The following OR3A2 variants were observed in gnomAD, a reference collection of about 807,000 sequenced individuals.
The protein encoded by OR3A2 is olfactory receptor 3A2.
For missense variants in OR3A2, 318 were observed against 392.8 expected, an observed-to-expected ratio of 0.81 and a Z score of 1.61; for synonymous variants, 126 against 159.3, an observed-to-expected ratio of 0.79 and a Z score of 1.57.
chr17:3,372,340 C>T (rs958040854), intron 2 of OR3A2, among the ~76,000 whole-genome samples: 1 of 148,118 alleles, frequency 6.8e-6, no homozygotes, highest in African/African-American at 2.5e-5. Context: ...ACTTTCCAGA[C>T]TGGGCAGCCA....
chr17:3,330,254 T>C (rs2049218402), intron 3 of OR3A2, among the ~76,000 whole-genome samples: 1 of 151,560 alleles, frequency 6.6e-6, no homozygotes, highest in South Asian at 2.1e-4. Flanking sequence ...TGAGTTCAAT[T>C]CCTGGGTATC....
chr17:3,347,490 C>T (rs201124222), intron 2 of OR3A2, among the ~76,000 whole-genome samples: 102 of 152,136 alleles, frequency 6.7e-4, no homozygotes, highest in Admixed American at 1.2e-3. Flanking sequence ...TGAGAACATG[C>T]GGTGTTTGGT....
At chr17:3,290,706 T>A (rs1283997648) in intron 3 of OR3A2, among the ~76,000 whole-genome samples, 2 of 152,162 alleles carry the variant, frequency 1.3e-5, no homozygotes, top group African/African-American at 4.8e-5. Flanking sequence ...GAGCTAATGC[T>A]CTGGGTCAGA....
intron 2 of OR3A2, among the ~76,000 whole-genome samples, chr17:3,345,452 G>C (rs1356927923): frequency 2.0e-5 from 3 of 149,478 alleles, no homozygotes; most frequent in Non-Finnish European, 3.0e-5. Flanking sequence ...GAGACAGAGA[G>C]AGAGACCAAA....
chr17:3,360,226 G>A (rs1006625485), intron 2 of OR3A2, among the ~76,000 whole-genome samples: 15 of 150,954 alleles, frequency 9.9e-5, no homozygotes, highest in East Asian at 7.8e-4. Context: ...CTTCTTTTGC[G>A]AAGTGTCTGT....
intron 3 of OR3A2, among the ~76,000 whole-genome samples, chr17:3,324,117 A>T (rs989192818): frequency 9.2e-5 from 14 of 151,790 alleles, no homozygotes; most frequent in African/African-American, 3.2e-4. Context: ...TTCATCTTCC[A>T]TCACTGATAC....
chr17:3,362,326 G>T (rs1218622491), intron 2 of OR3A2, among the ~76,000 whole-genome samples: 1 of 151,240 alleles, frequency 6.6e-6, no homozygotes, highest in African/African-American at 2.5e-5. Context: ...TATTAGTCTT[G>T]CTAGCAGTCT....
At chr17:3,357,763 G>C (rs975120623) in intron 2 of OR3A2, among the ~76,000 whole-genome samples, 5 of 151,562 alleles carry the variant, frequency 3.3e-5, no homozygotes, top group African/African-American at 9.8e-5. Flanking sequence ...ATGATGCCCA[G>C]GTTGGTCTCA....
intron 2 of OR3A2, among the ~76,000 whole-genome samples, chr17:3,367,345 T>G (rs1271405117): frequency 1.3e-5 from 2 of 152,054 alleles, no homozygotes; most frequent in Non-Finnish European, 2.9e-5. Context: ...ATGTGTAATC[T>G]TTTATCCCTC....
intron 3 of OR3A2, among the ~76,000 whole-genome samples, chr17:3,290,559 A>T (rs763884110): frequency 3.3e-5 from 5 of 152,336 alleles, no homozygotes; most frequent in Middle Eastern, 6.8e-3. Flanking sequence ...CACAGGTGCC[A>T]GTCAAAGGAA....
upstream of OR3A2, chr17:3,284,563 A>T (rs2048795941): frequency 6.7e-6 from 1 of 149,316 alleles, no homozygotes; most frequent in African/African-American, 2.5e-5. Context: ...TAGGAGAGAG[A>T]AGGATGGGGG....
At chr17:3,369,368 G>A (rs1030168644) in intron 2 of OR3A2, among the ~76,000 whole-genome samples, 1 of 152,128 alleles carries the variant, frequency 6.6e-6, no homozygotes, top group African/African-American at 2.4e-5. Flanking sequence ...TGTTGGCTGT[G>A]GGTTTGTGAT....
rs2048870024 is a variant in OR3A2, at chr17:3,291,758, T to G, written c.-84-12605A>C. On this transcript the variant is annotated intron_variant, in intron 3 of 4. Transcript: ENST00000573491. The stretch of plus-strand genomic sequence containing the variant: ...TGACAGTGTTGAAAATTCCAACAGC[T>G]TTATCCTTGTCTGAAAGCTTGGTTG... 1.9e-6 allele frequency: 3 copies of G among 1,613,702 alleles called. No homozygotes were observed. Among genetic ancestry groups the G allele is most frequent in the African/African-American group, 1.3e-5 (1 of 74,896 alleles).
chr17:3,334,254 T>C (rs1245904329), intron 3 of OR3A2, among the ~76,000 whole-genome samples: 1 of 152,148 alleles, frequency 6.6e-6, no homozygotes, highest in Non-Finnish European at 1.5e-5. Flanking sequence ...AAGTGTACAA[T>C]TCAGTGGTAA....
rs1362681556 is a variant in OR3A2, at chr17:3,375,244, TTC to T, written c.-179+8558_-179+8559del. ...TTTTTTTTTTTCTTTTTTTTTTTTT[TTC>T]CCCCCCTTTTTGAGATAGTCTCACT... On this transcript the variant is annotated intron_variant, in intron 2 of 4. Coordinates refer to the OR3A2 transcript ENST00000573491. Among the ~76,000 whole-genome samples the T allele has an allele frequency of 6.3e-4, 48 of 76,180 alleles. 3 individuals carry two copies. The highest frequency in any genetic ancestry group is 1.7e-3 in the African/African-American group (22 of 13,142). 50.0% of individuals were successfully genotyped at this position (76,180 alleles called of 152,430 possible). A position where few individuals can be genotyped will look rare whatever the true frequency, so the allele number is the denominator to read the frequency against.
intron 1 of OR3A2, among the ~76,000 whole-genome samples, chr17:3,281,337 G>T (rs567065233): frequency 6.6e-6 from 1 of 151,586 alleles, no homozygotes; most frequent in South Asian, 2.1e-4. Flanking sequence ...AGGTTCAAGA[G>T]ATTCTCCTGC....
At chr17:3,358,634 C>T (rs9910569) in intron 2 of OR3A2, among the ~76,000 whole-genome samples, 21,282 of 151,406 alleles carry the variant, frequency 0.14, 2,204 homozygotes, top group African/African-American at 0.25. Flanking sequence ...GTGCTGTGGT[C>T]TGAGAGTATG....
intron 2 of OR3A2, among the ~76,000 whole-genome samples, chr17:3,355,064 C>T (rs2049453848): frequency 2.0e-5 from 3 of 151,174 alleles, no homozygotes; most frequent in Non-Finnish European, 3.0e-5. Flanking sequence ...TCATATAGTT[C>T]CAAAATTATT....
intron 2 of OR3A2, among the ~76,000 whole-genome samples, chr17:3,342,526 C>T (rs1292348217): frequency 6.6e-6 from 1 of 152,208 alleles, no homozygotes; most frequent in South Asian, 2.1e-4. Flanking sequence ...GGTCCCTCAG[C>T]TGCAGGTCTG....
Sources: allele counts gnomAD v4.1 joint callset (sites outside exome capture counted in the v4.1 genomes callset), GRCh38; gene constraint gnomAD v4.1.1; transcripts MANE v1.5; gene names NCBI Gene and HGNC (gene_info 2026-07-23, HGNC 2026-07-21).